MYO16: variants seen among roughly 807,000 people sequenced by gnomAD.
MYO16 encodes the protein unconventional myosin-XVI.
In MYO16, 94 loss-of-function variants were observed where a neutral mutation model predicts 205.3. The observed-to-expected ratio is 0.46, with a 90% confidence interval of 0.39 to 0.54. The LOEUF (loss-of-function observed/expected upper bound fraction) is 0.54, where lower values mean the gene tolerates loss of function less well. Ranked by LOEUF, MYO16 falls within the 20% of genes least tolerant of loss-of-function variation. The probability of loss-of-function intolerance (pLI) is 0.00; values close to 1 mark genes in which losing one functional copy is unlikely to be tolerated. For synonymous variants in MYO16, 988 were observed against 954.0 expected, an observed-to-expected ratio of 1.04 and a Z score of -0.66; for missense variants, 2,315 against 2,387.5, an observed-to-expected ratio of 0.97 and a Z score of 0.63.
intron 21 of MYO16, among the ~76,000 whole-genome samples, chr13:108,997,235 A>G (rs1333980562): frequency 6.6e-6 from 1 of 151,658 alleles, no homozygotes; most frequent in Non-Finnish European, 1.5e-5. Context: ...AGGCTGCTGC[A>G]GTGAGATGGG....
chr13:109,169,433 T>C (rs974350726), intron 33 of MYO16, among the ~76,000 whole-genome samples: 1 of 152,172 alleles, frequency 6.6e-6, no homozygotes, highest in African/African-American at 2.4e-5. Context: ...TAAAAAATTA[T>C]CTTTGAAAAC....
At chr13:108,517,022 G>A in the MYO16 span, among the ~76,000 whole-genome samples, 16 of 152,084 alleles carry the variant, frequency 1.1e-4, no homozygotes, top group Admixed American at 2.6e-4. Flanking sequence ...CTTCAAATTC[G>A]TGGGTTCAAG....
chr13:108,959,210 G>A (rs1220289692), intron 17 of MYO16, among the ~76,000 whole-genome samples: 2 of 151,952 alleles, frequency 1.3e-5, no homozygotes, highest in African/African-American at 2.4e-5. Flanking sequence ...CTGATTACCC[G>A]GCCTCTGTTT....
chr13:108,964,109 A>G (rs2139372576), intron 19 of MYO16, among the ~76,000 whole-genome samples: 1 of 152,322 alleles, frequency 6.6e-6, no homozygotes, highest in African/African-American at 2.4e-5. Flanking sequence ...AAGTTTGGCC[A>G]AGGCCATAGA....
chr13:109,098,210 C>T (rs1387581926), intron 27 of MYO16, among the ~76,000 whole-genome samples: 1 of 152,134 alleles, frequency 6.6e-6, no homozygotes, highest in Non-Finnish European at 1.5e-5. Flanking sequence ...AAAGTAATTG[C>T]GGTTCAGGCG....
chr13:109,137,365 T>A (rs1876827518), intron 31 of MYO16, among the ~76,000 whole-genome samples: 1 of 152,260 alleles, frequency 6.6e-6, no homozygotes, highest in South Asian at 2.1e-4. Flanking sequence ...GAAGAGCATG[T>A]GGCGCTGAAA....
In MYO16 at chr13:109,051,283, A is replaced by G. The variant is rs570408723; in HGVS notation, c.2873-1017A>G. On this transcript the variant is annotated intron_variant, in intron 24 of 34. Coordinates refer to ENST00000457511, the MANE Select transcript of MYO16 (RefSeq NM_001198950.3). ...TGTAGGGATTTTTTTAATGGAAAGC[A>G]TTACAGATATATATTATGTCACCCG... Among the ~76,000 whole-genome samples the G allele has an allele frequency of 3.9e-5, 6 of 152,152 alleles. No individual in the cohort carries two copies. The East Asian group carries it at 9.7e-4, about 25-fold the overall frequency.
chr13:108,812,295 C>T (rs1245288670), intron 7 of MYO16, among the ~76,000 whole-genome samples: 1 of 152,164 alleles, frequency 6.6e-6, no homozygotes, highest in African/African-American at 2.4e-5. Context: ...TCATCTGTAT[C>T]ACCTTTTAGT....
chr13:108,719,120 C>T (rs1401747826), intron 3 of MYO16, among the ~76,000 whole-genome samples: 1 of 152,000 alleles, frequency 6.6e-6, no homozygotes, highest in African/African-American at 2.4e-5. Context: ...ATAAGGACCC[C>T]AAATTATTAA....
intron 20 of MYO16, 74 bp from the exon 21 acceptor site, chr13:108,992,302 C>A (rs762719889): frequency 1.9e-6 from 2 of 1,071,652 alleles, no homozygotes; most frequent in East Asian, 2.5e-5. Flanking sequence ...ATTCTTCTGA[C>A]CTGAATAATG....
rs1378864905 is a variant in MYO16 at position 108,712,662 on chromosome 13, G to A, written c.294G>A (p.Val98=). The change falls in exon 3 of 35, where the codon GTG becomes GTA. Residue 98 remains valine, a splice_region_variant and synonymous_variant. Coordinates refer to ENST00000457511, the MANE Select transcript of MYO16 (RefSeq NM_001198950.3). ...DAIIHHNDKE[V]LRLLKEGADP... is the part of the protein sequence containing the mutation. The stretch of plus-strand genomic sequence containing the variant: ...CATTCTCCTCTCTGTTGTTTTCAGT[G>A]CTTCGGCTCCTGAAGGAGGGGGCAG... The A allele has an allele frequency of 1.2e-6, 2 of 1,613,994 alleles. No homozygotes were observed. Among genetic ancestry groups the A allele is most frequent in the African/African-American group, 1.3e-5 (1 of 75,056 alleles).
chr13:109,154,911 G>GGAAAAA (rs1226021756), intron 32 of MYO16, among the ~76,000 whole-genome samples: 8 of 62,666 alleles, frequency 1.3e-4, no homozygotes, highest in Admixed American at 8.0e-4. Context: ...GGCTAATTAT[G>GGAAAAA]AAAAAAAAAA....
chr13:109,069,285 G>A (rs1163045626), intron 27 of MYO16, among the ~76,000 whole-genome samples: 3 of 152,138 alleles, frequency 2.0e-5, no homozygotes, highest in Non-Finnish European at 4.4e-5. Context: ...GCCTTTCTGA[G>A]TTAAATGTCC....
At chr13:108,589,282 T>C in the MYO16 span, among the ~76,000 whole-genome samples, 8 of 152,338 alleles carry the variant, frequency 5.3e-5, no homozygotes, top group Admixed American at 2.0e-4. Flanking sequence ...GATTTTATGA[T>C]CTAATTATCA....
At chr13:108,814,171 T>C (rs768298711) in intron 7 of MYO16, among the ~76,000 whole-genome samples, 29 of 152,186 alleles carry the variant, frequency 1.9e-4, no homozygotes, top group Non-Finnish European at 3.4e-4. Context: ...CACATGATTT[T>C]ATTTGGAGTT....
At chr13:109,133,732 A>G (rs1876645080) in intron 31 of MYO16, among the ~76,000 whole-genome samples, 1 of 152,226 alleles carries the variant, frequency 6.6e-6, no homozygotes. Flanking sequence ...TTATGCATCA[A>G]TATTAGAACA....
chr13:108,663,905 C>G (rs557012086), intron 1 of MYO16, among the ~76,000 whole-genome samples: 317 of 152,286 alleles, frequency 2.1e-3, no homozygotes, highest in Non-Finnish European at 3.5e-3. Flanking sequence ...GTCAAAGTGT[C>G]ACAAGTATCA....
At chr13:108,520,999 T>C in the MYO16 span, among the ~76,000 whole-genome samples, 6 of 152,188 alleles carry the variant, frequency 3.9e-5, no homozygotes, top group South Asian at 1.2e-3. Flanking sequence ...TTTCCTTCCT[T>C]CCTTTCTCCC....
chr13:109,015,972 C>T (rs4635194), intron 22 of MYO16, among the ~76,000 whole-genome samples: 25,226 of 151,990 alleles, frequency 0.17, 2,208 homozygotes, highest in East Asian at 0.24. Flanking sequence ...TTGACTTCTG[C>T]TCTGATCTTA....
Sources: gnomAD v4.1 joint callset for allele counts (sites outside exome capture counted in the v4.1 genomes callset) on GRCh38, gnomAD v4.1.1 for gene constraint, MANE v1.5 for transcripts, NCBI Gene and HGNC (gene_info 2026-07-23, HGNC 2026-07-21) for gene names.